The following PZP variants were observed in gnomAD, a reference collection of about 807,000 sequenced individuals.
PZP encodes the protein PZP alpha-2-macroglobulin like, also known as pregnancy zone protein.
Under a neutral mutation model 179.8 loss-of-function variants are expected in PZP, and 150 were observed. The observed-to-expected ratio is 0.83, with a 90% CI of 0.73 to 0.96. PZP has a LOEUF of 0.96. PZP is among the 40% of genes least tolerant of loss of function. The pLI is 0.00. For missense variants in PZP, 1,689 were observed against 1,764.0 expected (o/e 0.96, Z 0.76); for synonymous variants, 624 against 652.3 (o/e 0.96, Z 0.66).
chr12:9,154,295 A>G (rs927298323), intron 29 of PZP, among the ~76,000 whole-genome samples: 5 of 152,220 alleles, frequency 3.3e-5, no homozygotes, highest in African/African-American at 9.6e-5. Context: ...TTTTACAACG[A>G]TGATGTGGCT....
chr12:9,185,704 C>T (rs940441179), intron 13 of PZP, among the ~76,000 whole-genome samples: 6 of 151,970 alleles, frequency 3.9e-5, no homozygotes, highest in Non-Finnish European at 8.8e-5. Flanking sequence ...GGACAAGTCA[C>T]CTACAAAGGG....
intron 33 of PZP, 139 bp downstream of exon 33, chr12:9,151,465 T>C: frequency 3.4e-6 from 2 of 587,702 alleles, no homozygotes; most frequent in South Asian, 3.2e-5. Context: ...TCCCCTCTTA[T>C]TCTTCTTGGA....
At chr12:9,152,189 A>C in intron 32 of PZP, 31 bp downstream of exon 32, 1 of 1,435,190 alleles carries the variant, frequency 7.0e-7, no homozygotes, top group Non-Finnish European at 9.8e-7. Flanking sequence ...ATACTTTTGT[A>C]TGAAGTCTAT....
rs767217415 is a variant in PZP at position 9,165,084 on chromosome 12, A to T, written c.2487+55T>A. 12 of 1,562,792 alleles carry T rather than the reference A, an allele frequency of 7.7e-6. No homozygotes were observed. In the South Asian group the frequency reaches 1.3e-4, roughly 17 times the overall value. On this transcript the variant is annotated intron_variant, in intron 19 of 35. Coordinates refer to ENST00000261336, the MANE Select transcript of PZP (RefSeq NM_002864.3). ...CAGGAACAGAATCAGTAGCTGACTG[A>T]TCAAAGGAATCTTTTGTTCTACCCA...
Position 9,168,925 on chromosome 12 carries a change from G to A in PZP, c.2051C>T (p.Ser684Leu), listed in dbSNP as rs372765582. The A allele has an allele frequency of 1.1e-4, 177 of 1,613,950 alleles. No individual in the cohort carries two copies. The highest frequency in any genetic ancestry group is 1.6e-4 in the Middle Eastern group (1 of 6,082). ...AGACACGGAAGGGATGACTGAACAC[G>A]ACTTTGGTTTTCGGATTTTTGAGTT... ...FTNSKIRKPK[S>L]CSVIPSVSAG... Residue 684 changes from serine to leucine, a missense_variant, in exon 17 of 36, where the codon TCG becomes TTG. Coordinates refer to ENST00000261336, the MANE Select transcript of PZP (RefSeq NM_002864.3).
intron 1 of PZP, among the ~76,000 whole-genome samples, chr12:9,207,087 C>T (rs1944472296): frequency 6.6e-6 from 1 of 152,134 alleles, no homozygotes; most frequent in South Asian, 2.1e-4. Context: ...AAGCAGGAGA[C>T]TTACTGGATT....
At chr12:9,163,824 CT>C in intron 20 of PZP, 35 bp from the exon 21 acceptor site, 2 of 1,599,146 alleles carry the variant, frequency 1.3e-6, no homozygotes, top group Non-Finnish European at 1.7e-6. Flanking sequence ...TGAGTATCCA[CT>C]TTGATAGTCC....
At chr12:9,168,759 T>A (rs769341324) in intron 17 of PZP, 110 bp downstream of exon 17, 2 of 795,252 alleles carry the variant, frequency 2.5e-6, no homozygotes, top group South Asian at 3.5e-5. Flanking sequence ...GAATCTTGGT[T>A]TCTTTGTGTG....
downstream of PZP, among the ~76,000 whole-genome samples, chr12:9,144,726 G>A (rs1446747746): frequency 2.0e-5 from 3 of 152,136 alleles, no homozygotes. Context: ...AGTTTATTGT[G>A]GGGTTGGAAT....
At chr12:9,146,846 C>A (rs1468783376), downstream of PZP, among the ~76,000 whole-genome samples, 3 of 152,170 alleles carry the variant, frequency 2.0e-5, no homozygotes, top group South Asian at 2.1e-4. Context: ...ATCAGAACTA[C>A]CTGACTGGCA....
At chr12:9,177,457 T>C (rs781423402) in intron 15 of PZP, among the ~76,000 whole-genome samples, 1 of 152,340 alleles carries the variant, frequency 6.6e-6, no homozygotes, top group South Asian at 2.1e-4. Context: ...TAGACCCACC[T>C]AGCTAAGCTG....
At chr12:9,182,829 C>T (rs1026905424) in intron 13 of PZP, among the ~76,000 whole-genome samples, 5 of 152,146 alleles carry the variant, frequency 3.3e-5, no homozygotes, top group Admixed American at 1.3e-4. Flanking sequence ...TATAAAACCA[C>T]GAGAGACTTA....
chr12:9,177,449 G>A (rs748557102), intron 15 of PZP, among the ~76,000 whole-genome samples: 1 of 152,184 alleles, frequency 6.6e-6, no homozygotes, highest in Non-Finnish European at 1.5e-5. Context: ...TCACAAGCTA[G>A]ACCCACCTAG....
At chr12:9,202,428 A>T in intron 3 of PZP, 57 bp from the exon 4 acceptor site, 1 of 1,613,354 alleles carries the variant, frequency 6.2e-7, no homozygotes, top group Non-Finnish European at 8.5e-7. Context: ...AATTTGGGTA[A>T]TAAGACAGGA....
In PZP at chr12:9,197,109, T is replaced by G; in HGVS notation, c.770A>C (p.Lys257Thr). The change falls in exon 8 of 36, where the codon AAG becomes ACG. Residue 257 changes from lysine to threonine, a missense_variant. By Grantham distance (78) the Lys-to-Thr change is moderately conservative (BLOSUM62 -1). Coordinates refer to ENST00000261336, the MANE Select transcript of PZP (RefSeq NM_002864.3). ...ITVCGEYTYG[K>T]PVPGLATVSL... ...CACAGTTGCAAGTCCTGGGACAGGC[T>G]TCCCATAAGTGTATCTGGTACATGA... The G allele has an allele frequency of 6.2e-7, 1 of 1,609,990 alleles. No individual in the cohort carries two copies. The highest frequency in any genetic ancestry group is 8.5e-7 in the Non-Finnish European group (1 of 1,176,708).
rs1940820559 is a variant in PZP at position 9,157,188 on chromosome 12, T to C, written c.3537A>G (p.Glu1179=). 3.7e-6 allele frequency: 6 copies of C among 1,613,568 alleles called. No individual in the cohort carries two copies. In the East Asian group the frequency reaches 1.3e-4, roughly 36 times the overall value. ...NREILNSLDK[E]AVKEDNLVHW... ...AAGTGCTCTCACCTTCTTTCACAGC[T>C]TCCTTATCAAGTGAGTTCAGTATTT... The change falls in exon 28 of 36, where the codon GAA becomes GAG. Residue 1179 remains glutamate, a synonymous_variant. Coordinates refer to ENST00000261336, the MANE Select transcript of PZP (RefSeq NM_002864.3).
At chr12:9,194,564 A>C (rs2121131242) in intron 10 of PZP, among the ~76,000 whole-genome samples, 1 of 146,780 alleles carries the variant, frequency 6.8e-6, no homozygotes, top group Admixed American at 7.1e-5. Flanking sequence ...TCCTGGACTC[A>C]CGCCATTCTC....
chr12:9,156,825 G>A (rs1940789601), intron 28 of PZP, among the ~76,000 whole-genome samples: 1 of 152,134 alleles, frequency 6.6e-6, no homozygotes, highest in South Asian at 2.1e-4. Context: ...TAGAATCAGT[G>A]TAAATGGAAA....
At chr12:9,167,081 T>C (rs778024987) in intron 17 of PZP, 1 of 152,376 alleles carries the variant, frequency 6.6e-6, no homozygotes, top group East Asian at 1.9e-4. Context: ...CCTTGCCCCA[T>C]GTCCTTCCAA....
Sources: allele counts gnomAD v4.1 joint callset (sites outside exome capture counted in the v4.1 genomes callset), GRCh38; gene constraint gnomAD v4.1.1; transcripts MANE v1.5; gene names NCBI Gene and HGNC (gene_info 2026-07-23, HGNC 2026-07-21).